The following BMP6 variants were observed in gnomAD, a reference collection of about 807,000 sequenced individuals.
BMP6 encodes the protein bone morphogenetic protein 6.
A neutral mutation model predicts 54.1 loss-of-function variants in BMP6; 17 were observed. That is an observed-to-expected ratio of 0.31 (90% CI 0.22 to 0.47). BMP6 has a LOEUF of 0.47. BMP6 is among the 20% of genes least tolerant of loss of function. BMP6 has a pLI of 1.00. For synonymous variants in BMP6, 328 were observed against 291.2 expected (o/e 1.13, Z -1.28); for missense variants, 720 against 690.4 (o/e 1.04, Z -0.48).
intron 1 of BMP6, among the ~76,000 whole-genome samples, chr6:7,821,774 GCTTA>G (rs2113224463): frequency 6.6e-6 from 1 of 152,224 alleles, no homozygotes; most frequent in African/African-American, 2.4e-5. Context: ...AAACCATTTG[GCTTA>G]CTGTCAGGAG....
At chr6:7,764,297 G>A (rs1386076865) in intron 1 of BMP6, among the ~76,000 whole-genome samples, 1 of 152,188 alleles carries the variant, frequency 6.6e-6, no homozygotes, top group Non-Finnish European at 1.5e-5. Context: ...CCTTTTTCTG[G>A]AGGTGGTGGA....
At chr6:7,845,071 T>G in intron 1 of BMP6, 69 bp from the exon 2 acceptor site, 1 of 1,391,630 alleles carries the variant, frequency 7.2e-7, no homozygotes, top group Non-Finnish European at 9.9e-7. Context: ...ACGGGGAAAC[T>G]GGTGAGGTAA....
Position 7,726,304 on chromosome 6 carries a change from G to A in BMP6, c.-652G>A, listed in dbSNP as rs1761720211. 6.6e-6 allele frequency among the ~76,000 whole-genome samples: 1 copy of A among 152,356 alleles called. No homozygotes were observed. The highest frequency in any genetic ancestry group is 2.4e-5 in the African/African-American group (1 of 41,586). On this transcript the variant is annotated 5_prime_UTR_variant, in exon 1 of 7. Transcript: ENST00000283147. Reference sequence around the variant, plus strand: ...CGCTTGAGGAGGCGTGCGGCGCGCGGAGATTTTGAGTGGGAGCGACGGTGC... The same window carrying A: ...CGCTTGAGGAGGCGTGCGGCGCGCGAAGATTTTGAGTGGGAGCGACGGTGC...
intron 1 of BMP6, among the ~76,000 whole-genome samples, chr6:7,784,823 G>A (rs577779093): frequency 6.6e-6 from 1 of 152,154 alleles, no homozygotes; most frequent in East Asian, 1.9e-4. Context: ...TCCCCAAGGA[G>A]CTTGGCAGCC....
chr6:7,728,970 G>C (rs1423540538), intron 1 of BMP6, among the ~76,000 whole-genome samples: 2 of 152,228 alleles, frequency 1.3e-5, no homozygotes, highest in African/African-American at 2.4e-5. Context: ...AGCCAAGGGA[G>C]GGTGTGGAGG....
chr6:7,768,797 A>T (rs540779223), intron 1 of BMP6, among the ~76,000 whole-genome samples: 2 of 152,268 alleles, frequency 1.3e-5, no homozygotes, highest in African/African-American at 4.8e-5. Context: ...GCGGGAAAGG[A>T]ACATTTCTCC....
intron 4 of BMP6, among the ~76,000 whole-genome samples, chr6:7,866,451 AT>A (rs1278559550): frequency 6.6e-6 from 1 of 152,056 alleles, no homozygotes; most frequent in African/African-American, 2.4e-5. Context: ...GGGGTTCACT[AT>A]TTTATCTTCT....
chr6:7,754,764 C>G (rs969512338), intron 1 of BMP6, among the ~76,000 whole-genome samples: 2 of 152,242 alleles, frequency 1.3e-5, no homozygotes, highest in South Asian at 2.1e-4. Flanking sequence ...ATTGCCCAGG[C>G]TGGAGTGCAG....
chr6:7,852,670 G>A (rs1759163373), intron 2 of BMP6, among the ~76,000 whole-genome samples: 1 of 152,200 alleles, frequency 6.6e-6, no homozygotes, highest in Non-Finnish European at 1.5e-5. Flanking sequence ...GGTGGACTCT[G>A]TACTCGATTT....
intron 1 of BMP6, among the ~76,000 whole-genome samples, chr6:7,773,323 A>G (rs951304898): frequency 2.0e-5 from 3 of 152,222 alleles, no homozygotes; most frequent in African/African-American, 7.2e-5. Context: ...GAGTTCCCAT[A>G]TTCCAAAAGG....
At position 7,880,810 on chromosome 6, in the gene BMP6, C is replaced by G. The variant is rs1005611357; in HGVS notation, c.*467C>G. On this transcript the variant is annotated 3_prime_UTR_variant, in exon 7 of 7. Coordinates refer to ENST00000283147, the MANE Select transcript of BMP6 (RefSeq NM_001718.6). The stretch of plus-strand genomic sequence containing the variant: ...ACAGAAATCGGGGAAGTGGGGGGAA[C>G]GCCTCTGTTCAGTTCATTCCCAGAA... The G allele has an allele frequency of 5.5e-6, 1 of 181,180 alleles. No homozygotes were observed. The highest frequency in any genetic ancestry group is 1.2e-5 in the Non-Finnish European group (1 of 84,330). 11.2% of individuals were successfully genotyped at this position (181,180 alleles called of 1,614,324 possible). A position where few individuals can be genotyped will look rare whatever the true frequency, so the allele number is the denominator to read the frequency against.
chr6:7,742,181 G>T (rs931887015), intron 1 of BMP6, among the ~76,000 whole-genome samples: 2 of 152,170 alleles, frequency 1.3e-5, no homozygotes, highest in African/African-American at 2.4e-5. Context: ...TTCTTGCAGG[G>T]TTTATGTTCT....
chr6:7,758,782 T>G (rs1376549619), intron 1 of BMP6, among the ~76,000 whole-genome samples: 1 of 152,128 alleles, frequency 6.6e-6, no homozygotes, highest in Non-Finnish European at 1.5e-5. Context: ...CACAAACCCC[T>G]TCACCCTCTC....
chr6:7,864,137 A>G (rs542312855), intron 4 of BMP6, among the ~76,000 whole-genome samples: 11 of 152,186 alleles, frequency 7.2e-5, no homozygotes, highest in African/African-American at 2.4e-4. Context: ...GCTAGTTAGG[A>G]TTGAATGGAA....
rs189448324 is a variant in BMP6, at chr6:7,820,873, A to T, written c.665-24267A>T. Among the ~76,000 whole-genome samples, 10 of 152,326 alleles carry T rather than the reference A, an allele frequency of 6.6e-5. No homozygotes were observed. In the East Asian group the frequency reaches 1.4e-3, roughly 21 times the overall value. Reference sequence around the variant, plus strand: ...AGATCACCAGGCATTAGATCCTCAGAAGGAGCACGCGATCTAGATCGCTTG... The same window carrying T: ...AGATCACCAGGCATTAGATCCTCAGTAGGAGCACGCGATCTAGATCGCTTG... On this transcript the variant is annotated intron_variant, in intron 1 of 6. Coordinates refer to ENST00000283147, the MANE Select transcript of BMP6 (RefSeq NM_001718.6).
intron 2 of BMP6, among the ~76,000 whole-genome samples, chr6:7,850,831 C>T (rs567306156): frequency 1.3e-5 from 2 of 152,288 alleles, no homozygotes; most frequent in Non-Finnish European, 2.9e-5. Context: ...TCACATAGAC[C>T]AGATGTGTAA....
At chr6:7,742,104 A>G (rs1757275126) in intron 1 of BMP6, among the ~76,000 whole-genome samples, 2 of 152,242 alleles carry the variant, frequency 1.3e-5, no homozygotes, top group Admixed American at 6.5e-5. Flanking sequence ...CATGTGTGCT[A>G]TTATAAGAAA....
chr6:7,732,413 T>G (rs1284502752), intron 1 of BMP6, among the ~76,000 whole-genome samples: 1 of 152,226 alleles, frequency 6.6e-6, no homozygotes, highest in Admixed American at 6.5e-5. Context: ...GTGTTTCCTC[T>G]GGGTGTCCTT....
At chr6:7,772,966 A>G (rs2113157646) in intron 1 of BMP6, among the ~76,000 whole-genome samples, 1 of 152,298 alleles carries the variant, frequency 6.6e-6, no homozygotes, top group South Asian at 2.1e-4. Context: ...TGAGTTCATT[A>G]GGCGTTGATT....
Sources: gnomAD v4.1 joint callset for allele counts (sites outside exome capture counted in the v4.1 genomes callset) on GRCh38, gnomAD v4.1.1 for gene constraint, MANE v1.5 for transcripts, NCBI Gene and HGNC (gene_info 2026-07-23, HGNC 2026-07-21) for gene names.